ELAVL2: variants seen among roughly 807,000 people sequenced by gnomAD.
The protein encoded by ELAVL2 is ELAV like RNA binding protein 2.
In ELAVL2, 4 loss-of-function variants were observed where a neutral mutation model predicts 34.6. The observed-to-expected ratio is 0.12, with a 90% CI of 0.06 to 0.26. ELAVL2 has a LOEUF of 0.26. ELAVL2 is among the 10% of genes least tolerant of loss of function. The probability of loss-of-function intolerance (pLI) is 1.00; values close to 1 mark genes in which losing one functional copy is unlikely to be tolerated. For missense variants in ELAVL2, 432 were observed against 442.8 expected, an observed-to-expected ratio of 0.98 and a Z score of 0.22; for synonymous variants, 193 against 154.8, an observed-to-expected ratio of 1.25 and a Z score of -1.83.
chr9:23,727,373 G>C (rs1405716629), intron 3 of ELAVL2, among the ~76,000 whole-genome samples: 1 of 152,090 alleles, frequency 6.6e-6, no homozygotes, highest in African/African-American at 2.4e-5. Context: ...AAAGGCTGGT[G>C]AACCACGTTG....
At chr9:23,719,447 C>A (rs1342943496) in intron 3 of ELAVL2, among the ~76,000 whole-genome samples, 1 of 152,190 alleles carries the variant, frequency 6.6e-6, no homozygotes, top group Admixed American at 6.5e-5. Context: ...TTTTACAATT[C>A]CCCTCAGACA....
At chr9:23,779,308 T>C in intron 1 of ELAVL2, 1 of 985,422 alleles carries the variant, frequency 1.0e-6, no homozygotes, top group Non-Finnish European at 1.2e-6. Context: ...ACTGGCAAAG[T>C]GGGCAGACAG....
intron 4 of ELAVL2, among the ~76,000 whole-genome samples, chr9:23,703,575 T>G (rs1352389483): frequency 1.3e-5 from 2 of 152,150 alleles, no homozygotes; most frequent in Non-Finnish European, 2.9e-5. Context: ...ATGAAGCCAA[T>G]TAACAACACA....
chr9:23,771,538 A>G (rs1458399706), intron 1 of ELAVL2, among the ~76,000 whole-genome samples: 1 of 152,278 alleles, frequency 6.6e-6, no homozygotes, highest in South Asian at 2.1e-4. Context: ...TTCACTTTAT[A>G]TTTGCTACTA....
chr9:23,770,648 G>C (rs572773601), intron 1 of ELAVL2, among the ~76,000 whole-genome samples: 3 of 152,284 alleles, frequency 2.0e-5, no homozygotes, highest in Admixed American at 1.3e-4. Context: ...GCAGCCTCTA[G>C]GAGCTGCAAA....
At chr9:23,789,375 GATTT>G (rs1716824609) in intron 1 of ELAVL2, among the ~76,000 whole-genome samples, 1 of 152,140 alleles carries the variant, frequency 6.6e-6, no homozygotes, top group African/African-American at 2.4e-5. Context: ...TATATTAAGT[GATTT>G]ATTAAATTTA....
chr9:23,745,691 C>A (rs995180449), intron 2 of ELAVL2, among the ~76,000 whole-genome samples: 1 of 152,116 alleles, frequency 6.6e-6, no homozygotes, highest in African/African-American at 2.4e-5. Context: ...TACACATGTC[C>A]CTACATGGCT....
At chr9:23,816,920 G>A (rs1301330675) in intron 1 of ELAVL2, among the ~76,000 whole-genome samples, 2 of 152,004 alleles carry the variant, frequency 1.3e-5, no homozygotes, top group African/African-American at 4.8e-5. Context: ...TTTTCAACTT[G>A]CAATGGGTTT....
chr9:23,826,372 A>ATTC (rs2065298422), upstream of ELAVL2: 1 of 152,346 alleles, frequency 6.6e-6, no homozygotes, highest in East Asian at 1.9e-4. Context: ...GTATACGCCG[A>ATTC]ATCGCGCCAC....
chr9:23,816,337 AAAAAAAAAAG>A (rs1000557096), intron 1 of ELAVL2, among the ~76,000 whole-genome samples: 13 of 149,760 alleles, frequency 8.7e-5, no homozygotes, highest in East Asian at 1.9e-4. Flanking sequence ...AAAAAAAAAA[AAAAAAAAAAG>A]GGGATAAAAA....
intron 1 of ELAVL2, among the ~76,000 whole-genome samples, chr9:23,785,891 A>G (rs1381400356): frequency 6.6e-6 from 1 of 152,228 alleles, no homozygotes; most frequent in African/African-American, 2.4e-5. Context: ...CTGAATTTAC[A>G]TTCCCAAAGA....
At chr9:23,718,629 C>T (rs539272961) in intron 3 of ELAVL2, among the ~76,000 whole-genome samples, 2 of 152,290 alleles carry the variant, frequency 1.3e-5, no homozygotes, top group South Asian at 2.1e-4. Context: ...AAAGCCCTCC[C>T]CACAGAGCCA....
chr9:23,801,386 T>C (rs532177162), intron 1 of ELAVL2, among the ~76,000 whole-genome samples: 1 of 152,328 alleles, frequency 6.6e-6, no homozygotes, highest in African/African-American at 2.4e-5. Context: ...AATGTTGTGC[T>C]TGAAAGGAAA....
chr9:23,745,076 T>C (rs751264015), intron 2 of ELAVL2, among the ~76,000 whole-genome samples: 5 of 152,086 alleles, frequency 3.3e-5, no homozygotes, highest in Admixed American at 3.3e-4. Flanking sequence ...TAATGGCACA[T>C]GTCTGCGGTC....
At chr9:23,780,426 CTTT>C (rs780364604) in intron 1 of ELAVL2, among the ~76,000 whole-genome samples, 10 of 152,182 alleles carry the variant, frequency 6.6e-5, no homozygotes, top group Non-Finnish European at 1.0e-4. Flanking sequence ...TGGAAAATGG[CTTT>C]TTAAGCATAT....
chr9:23,798,043 A>G (rs1372520667), intron 1 of ELAVL2, among the ~76,000 whole-genome samples: 1 of 152,258 alleles, frequency 6.6e-6, no homozygotes, highest in Non-Finnish European at 1.5e-5. Context: ...GCATCCGGCA[A>G]AGAAGGGAGA....
intron 1 of ELAVL2, among the ~76,000 whole-genome samples, chr9:23,817,628 CTTTTG>C (rs1244341691): frequency 7.2e-5 from 11 of 152,182 alleles, no homozygotes; most frequent in East Asian, 5.8e-4. Flanking sequence ...CAAGAGTTAC[CTTTTG>C]TTTTGTTTTG....
intron 1 of ELAVL2, among the ~76,000 whole-genome samples, chr9:23,818,791 T>C (rs1469074206): frequency 1.3e-5 from 2 of 152,116 alleles, no homozygotes; most frequent in African/African-American, 4.8e-5. Context: ...TGCAGACAAG[T>C]CATCAAAAAG....
At chr9:23,701,813 G>T (rs1007987110) in intron 4 of ELAVL2, among the ~76,000 whole-genome samples, 2 of 151,998 alleles carry the variant, frequency 1.3e-5, no homozygotes, top group African/African-American at 2.4e-5. Flanking sequence ...AGAAAAATTC[G>T]TGTCACTTAC....
Sources: allele counts gnomAD v4.1 joint callset (sites outside exome capture counted in the v4.1 genomes callset), GRCh38; gene constraint gnomAD v4.1.1; transcripts MANE v1.5; gene names NCBI Gene and HGNC (gene_info 2026-07-23, HGNC 2026-07-21).